The following TGFBR3 variants were observed in gnomAD, a reference collection of about 807,000 sequenced individuals.
TGFBR3 encodes the protein transforming growth factor beta receptor 3.
In TGFBR3, 46 loss-of-function variants were observed where a neutral mutation model predicts 87.9. That is an observed-to-expected ratio of 0.52 (90% confidence interval 0.41 to 0.67). The LOEUF is 0.67. Among genes scored for constraint, TGFBR3 ranks in the 30% least tolerant of loss-of-function variants. The pLI is 0.00. For synonymous variants in TGFBR3, 381 were observed against 391.6 expected, an observed-to-expected ratio of 0.97 and a Z score of 0.32; for missense variants, 866 against 1,041.9, an observed-to-expected ratio of 0.83 and a Z score of 2.32.
intron 2 of TGFBR3, among the ~76,000 whole-genome samples, chr1:91,821,146 A>G (rs1676436703): frequency 6.6e-6 from 1 of 152,116 alleles, no homozygotes; most frequent in Admixed American, 6.6e-5. Flanking sequence ...CCTGGCCAAC[A>G]TGGTGAAACC....
At chr1:91,795,196 T>C (rs1675332316) in intron 3 of TGFBR3, among the ~76,000 whole-genome samples, 1 of 152,246 alleles carries the variant, frequency 6.6e-6, no homozygotes, top group Non-Finnish European at 1.5e-5. Context: ...CAAACAGTAT[T>C]GAACTACAAC....
chr1:91,841,982 C>T (rs772645580), intron 2 of TGFBR3, among the ~76,000 whole-genome samples: 5 of 151,130 alleles, frequency 3.3e-5, no homozygotes, highest in Admixed American at 3.3e-4. Flanking sequence ...GCACCTGTGG[C>T]CCCAGCTACT....
At chr1:91,726,975 A>G (rs573647030) in intron 7 of TGFBR3, among the ~76,000 whole-genome samples, 1 of 152,328 alleles carries the variant, frequency 6.6e-6, no homozygotes, top group South Asian at 2.1e-4. Flanking sequence ...TCAACTTTTG[A>G]GGAAACCAGC....
chr1:91,767,106 C>T (rs1674212936), intron 3 of TGFBR3, among the ~76,000 whole-genome samples: 1 of 134,022 alleles, frequency 7.5e-6, no homozygotes, highest in South Asian at 2.8e-4. Flanking sequence ...GCACGTTGGA[C>T]AATGAACCTA....
At chr1:91,881,847 G>C (rs1376345971) in intron 1 of TGFBR3, among the ~76,000 whole-genome samples, 3 of 151,876 alleles carry the variant, frequency 2.0e-5, no homozygotes, top group Admixed American at 6.6e-5. Context: ...AGACCATCGG[G>C]GCTAACACAG....
chr1:91,754,257 G>C (rs747317177), intron 4 of TGFBR3, among the ~76,000 whole-genome samples: 1 of 152,056 alleles, frequency 6.6e-6, no homozygotes, highest in Non-Finnish European at 1.5e-5. Context: ...TCATCACCCA[G>C]TTAAGTTATC....
intron 1 of TGFBR3, among the ~76,000 whole-genome samples, chr1:91,878,765 C>G (rs1251527389): frequency 2.0e-5 from 3 of 152,192 alleles, no homozygotes; most frequent in Non-Finnish European, 2.9e-5. Flanking sequence ...AAAACCTGAC[C>G]TTCGGCATAT....
At chr1:91,697,925 G>C (rs974056076) in intron 15 of TGFBR3, among the ~76,000 whole-genome samples, 164 bp downstream of exon 15, 3 of 152,064 alleles carry the variant, frequency 2.0e-5, no homozygotes, top group African/African-American at 7.2e-5. Flanking sequence ...AAGGACAGAG[G>C]AAAGGAAAAA....
At chr1:91,773,616 A>T (rs752482723) in intron 3 of TGFBR3, among the ~76,000 whole-genome samples, 13 of 152,252 alleles carry the variant, frequency 8.5e-5, no homozygotes, top group Non-Finnish European at 1.6e-4. Context: ...CAGGAGGCAG[A>T]GGTTGCGGTG....
chr1:91,727,989 T>TGTAA, intron 6 of TGFBR3, 183 bp from the exon 7 acceptor site: 1 of 663,604 alleles, frequency 1.5e-6, no homozygotes, highest in Non-Finnish European at 2.6e-6. Flanking sequence ...TTGTTTTACA[T>TGTAA]AACAATAGAA....
chr1:91,851,073 T>A lies in TGFBR3; in HGVS notation c.61+10398A>T, dbSNP rs370927800. On this transcript the variant is annotated intron_variant, in intron 2 of 16. Transcript: ENST00000212355. ...TCATTGCCAACAAACAGAGTAACTT[T>A]AAAATAATTTTTTAAATCAACATTT... is the stretch of plus-strand genomic sequence containing the variant. 6.0e-4 allele frequency among the ~76,000 whole-genome samples: 92 copies of A among 152,350 alleles called. 1 individual carries two copies. The highest frequency in any genetic ancestry group is 2.1e-3 in the African/African-American group (87 of 41,582).
chr1:91,762,373 C>T (rs1241343762), intron 3 of TGFBR3, among the ~76,000 whole-genome samples: 5 of 152,232 alleles, frequency 3.3e-5, no homozygotes, highest in African/African-American at 9.6e-5. Context: ...AGAACCCCAT[C>T]GTAAAAGAGT....
intron 3 of TGFBR3, among the ~76,000 whole-genome samples, chr1:91,779,168 G>A (rs191227462): frequency 3.9e-5 from 6 of 152,166 alleles, no homozygotes; most frequent in African/African-American, 9.7e-5. Flanking sequence ...GGTGAACTTC[G>A]TGACTGGACG....
At chr1:91,739,057 A>G (rs1034025454) in intron 4 of TGFBR3, among the ~76,000 whole-genome samples, 1 of 152,164 alleles carries the variant, frequency 6.6e-6, no homozygotes, top group African/African-American at 2.4e-5. Context: ...CACAGGGCTG[A>G]GAGGAGGTTG....
chr1:91,704,199 G>A (rs547031369), intron 14 of TGFBR3, among the ~76,000 whole-genome samples: 5 of 152,046 alleles, frequency 3.3e-5, no homozygotes, highest in Admixed American at 6.5e-5. Flanking sequence ...GTGGTGGCAG[G>A]TGCCTGTAAT....
intron 2 of TGFBR3, among the ~76,000 whole-genome samples, chr1:91,838,169 T>A (rs1159978177): frequency 6.6e-6 from 1 of 152,174 alleles, no homozygotes; most frequent in Non-Finnish European, 1.5e-5. Flanking sequence ...TACTAAGATA[T>A]CTCTTCTGTA....
chr1:91,740,413 G>A (rs1291079667), intron 4 of TGFBR3, among the ~76,000 whole-genome samples: 1 of 150,908 alleles, frequency 6.6e-6, no homozygotes, highest in Non-Finnish European at 1.5e-5. Context: ...CGCCCAGGCT[G>A]GAGTGCAATG....
intron 8 of TGFBR3, among the ~76,000 whole-genome samples, chr1:91,720,614 C>T (rs17885205): frequency 0.01 from 1,562 of 152,312 alleles, 26 homozygotes; most frequent in African/African-American, 0.036. Flanking sequence ...GGGTGGTACC[C>T]AATCATTAAT....
chr1:91,754,031 CTTT>C (rs1673651201), intron 4 of TGFBR3, among the ~76,000 whole-genome samples: 1 of 152,168 alleles, frequency 6.6e-6, no homozygotes, highest in Non-Finnish European at 1.5e-5. Flanking sequence ...TTGTTATCGC[CTTT>C]TTTATTAAAG....
Sources: gnomAD v4.1 joint callset for allele counts (sites outside exome capture counted in the v4.1 genomes callset) on GRCh38, gnomAD v4.1.1 for gene constraint, MANE v1.5 for transcripts, NCBI Gene and HGNC (gene_info 2026-07-23, HGNC 2026-07-21) for gene names.